RPS6KA2: variants seen among roughly 807,000 people sequenced by gnomAD.
RPS6KA2 encodes the protein ribosomal protein S6 kinase alpha-2.
In RPS6KA2, 42 loss-of-function variants were observed where a neutral mutation model predicts 91.8. That is an observed-to-expected ratio of 0.46 (90% CI 0.36 to 0.59). The LOEUF (loss-of-function observed/expected upper bound fraction) is 0.59, where lower values mean the gene tolerates loss of function less well. Ranked by LOEUF, RPS6KA2 falls within the 20% of genes least tolerant of loss-of-function variation. The pLI, the probability that RPS6KA2 is intolerant of heterozygous loss-of-function variation, is 0.00. For synonymous variants in RPS6KA2, 414 were observed against 393.6 expected (o/e 1.05, Z -0.61); for missense variants, 798 against 978.5 (o/e 0.82, Z 2.46).
chr6:166,484,574 T>C (rs1781343334), intron 10 of RPS6KA2, among the ~76,000 whole-genome samples: 1 of 152,192 alleles, frequency 6.6e-6, no homozygotes, highest in South Asian at 2.1e-4. Flanking sequence ...CTTTTTCTCC[T>C]GCAGTGAGGA....
In RPS6KA2 at chr6:166,451,148, G is replaced by T. The variant is rs764188032; in HGVS notation, c.1161C>A (p.Pro387=). 6.2e-7 allele frequency: 1 copy of T among 1,614,112 alleles called. No homozygotes were observed. The highest frequency in any genetic ancestry group is 8.5e-7 in the Non-Finnish European group (1 of 1,179,996). The change falls in exon 13 of 21, where the codon CCC becomes CCA. Residue 387 remains proline, a synonymous_variant. Coordinates refer to ENST00000265678, the MANE Select transcript of RPS6KA2 (RefSeq NM_021135.6). ...SFVASSLIQE[P]SQQDLHKVPV... is the part of the protein sequence containing the mutation. ...GGACTTTGTGCAGATCTTGCTGTGA[G>T]GGCTCCTGGATCAGGCTTGAGGCCA...
intron 2 of RPS6KA2, among the ~76,000 whole-genome samples, chr6:166,713,848 C>T (rs1026853914): frequency 4.6e-5 from 7 of 152,214 alleles, no homozygotes; most frequent in Admixed American, 6.5e-5. Context: ...TGTGAAGTTC[C>T]GTCGTGGAGG....
chr6:166,472,686 T>G (rs1324942502), intron 10 of RPS6KA2, among the ~76,000 whole-genome samples: 2 of 152,142 alleles, frequency 1.3e-5, no homozygotes, highest in African/African-American at 4.8e-5. Context: ...CCTTTTTATC[T>G]CCACTGAACC....
At chr6:166,642,232 G>A (rs762187894) in intron 2 of RPS6KA2, among the ~76,000 whole-genome samples, 3 of 152,206 alleles carry the variant, frequency 2.0e-5, no homozygotes, top group Non-Finnish European at 4.4e-5. Context: ...ATTGGAAGCT[G>A]AGAGAGTGGA....
intron 2 of RPS6KA2, among the ~76,000 whole-genome samples, chr6:166,649,444 A>G (rs965702070): frequency 6.6e-5 from 10 of 152,188 alleles, no homozygotes; most frequent in South Asian, 2.1e-4. Flanking sequence ...GTTAAATCCC[A>G]TGCTATGTAT....
chr6:166,455,956 C>T (rs1343894592), intron 12 of RPS6KA2, among the ~76,000 whole-genome samples: 1 of 152,222 alleles, frequency 6.6e-6, no homozygotes, highest in African/African-American at 2.4e-5. Flanking sequence ...CAGAGCCACA[C>T]GAGTGTGAAG....
At chr6:166,711,568 C>G (rs910999122) in intron 2 of RPS6KA2, among the ~76,000 whole-genome samples, 10 of 151,634 alleles carry the variant, frequency 6.6e-5, no homozygotes, top group Admixed American at 3.9e-4. Flanking sequence ...TAAAGAAGAA[C>G]CAAATGGAAG....
chr6:166,469,509 T>A (rs1017759815), intron 11 of RPS6KA2, among the ~76,000 whole-genome samples: 4 of 152,052 alleles, frequency 2.6e-5, no homozygotes, highest in African/African-American at 9.6e-5. Flanking sequence ...CCTGGAGCAA[T>A]CGGGAATATG....
chr6:166,591,293 G>A (rs1165689713), intron 1 of RPS6KA2, among the ~76,000 whole-genome samples: 1 of 152,204 alleles, frequency 6.6e-6, no homozygotes, highest in Non-Finnish European at 1.5e-5. Flanking sequence ...TGCCTTCTGG[G>A]ATGAGCAGAA....
Position 166,494,051 on chromosome 6 carries a change from A to G in RPS6KA2, c.748-3310T>C, listed in dbSNP as rs1781697063. 6.6e-6 allele frequency among the ~76,000 whole-genome samples: 1 copy of G among 152,224 alleles called. No homozygotes were observed. Among genetic ancestry groups the G allele is most frequent in the African/African-American group, 2.4e-5 (1 of 41,454 alleles). ...TTTCAAGTTTACTTGGCCGATCACC[A>G]TTCTTAAAAGGGCACCAAAAGCAAG... is the stretch of plus-strand genomic sequence containing the variant. On this transcript the variant is annotated intron_variant, in intron 8 of 20. Coordinates refer to ENST00000265678, the MANE Select transcript of RPS6KA2 (RefSeq NM_021135.6). The surrounding 1 kb of genome is among the most constrained non-coding windows in gnomAD (Gnocchi z 5.1).
At chr6:166,475,197 G>T (rs1247223227) in intron 10 of RPS6KA2, among the ~76,000 whole-genome samples, 1 of 151,862 alleles carries the variant, frequency 6.6e-6, no homozygotes, top group East Asian at 1.9e-4. Context: ...ACCCCATGCT[G>T]CTACAGCCAC....
At chr6:166,483,032 T>G (rs1466497280) in intron 10 of RPS6KA2, among the ~76,000 whole-genome samples, 2 of 152,186 alleles carry the variant, frequency 1.3e-5, no homozygotes, top group Non-Finnish European at 2.9e-5. Flanking sequence ...AAGCAGAGAT[T>G]CTGGAAAACC....
At chr6:166,468,493 AGAG>A (rs1164422461) in intron 11 of RPS6KA2, among the ~76,000 whole-genome samples, 1 of 152,176 alleles carries the variant, frequency 6.6e-6, no homozygotes, top group African/African-American at 2.4e-5. Flanking sequence ...ACACATTCCC[AGAG>A]GAGAGGTCTG....
chr6:166,489,412 C>A (rs1781518386), intron 9 of RPS6KA2, among the ~76,000 whole-genome samples: 1 of 152,166 alleles, frequency 6.6e-6, no homozygotes, highest in Non-Finnish European at 1.5e-5. Context: ...TGAAGAAAAC[C>A]TGCGAGAGGA....
intron 2 of RPS6KA2, among the ~76,000 whole-genome samples, chr6:166,642,661 G>A (rs986641925): frequency 3.9e-5 from 6 of 152,160 alleles, no homozygotes; most frequent in African/African-American, 1.4e-4. Flanking sequence ...ATGTGTAATT[G>A]CCAAACTAAT....
At chr6:166,568,114 C>T (rs1455561885) in intron 1 of RPS6KA2, among the ~76,000 whole-genome samples, 1 of 152,152 alleles carries the variant, frequency 6.6e-6, no homozygotes, top group Non-Finnish European at 1.5e-5. Context: ...ACACTGGATG[C>T]CCACCACAGG....
chr6:166,542,899 A>C (rs1254116620), intron 1 of RPS6KA2, among the ~76,000 whole-genome samples: 1 of 152,246 alleles, frequency 6.6e-6, no homozygotes, highest in Non-Finnish European at 1.5e-5. Flanking sequence ...TAGGAAACAA[A>C]ATAGGCAAGG....
rs563473486 is a variant in RPS6KA2 at position 166,665,466 on chromosome 6, C to T, written c.124-126682G>A. On this transcript the variant is annotated intron_variant, in intron 2 of 21. Transcript: ENST00000503859. The surrounding 1 kb of genome is among the most constrained non-coding windows in gnomAD (Gnocchi z 4.5). ...TGGACAAAGCCGAATCTCCAGGAGCCCAGTCCCACCCTCCCCTCTGAGAAG... is the reference window on the plus strand; with the variant it reads ...TGGACAAAGCCGAATCTCCAGGAGCTCAGTCCCACCCTCCCCTCTGAGAAG... 1.3e-5 allele frequency among the ~76,000 whole-genome samples: 2 copies of T among 152,264 alleles called. No individual in the cohort carries two copies. Among genetic ancestry groups the T allele is most frequent in the East Asian group, 3.9e-4 (2 of 5,178 alleles).
intron 2 of RPS6KA2, among the ~76,000 whole-genome samples, chr6:166,848,088 G>C (rs894155038): frequency 5.3e-5 from 8 of 152,088 alleles, no homozygotes; most frequent in Non-Finnish European, 8.8e-5. Flanking sequence ...ATCCATCAAA[G>C]TGGGCTAAGA....
Sources: allele counts gnomAD v4.1 joint callset (sites outside exome capture counted in the v4.1 genomes callset), GRCh38; gene constraint gnomAD v4.1.1; non-coding constraint Gnocchi (gnomAD v3.1); transcripts MANE v1.5; gene names NCBI Gene and HGNC (gene_info 2026-07-23, HGNC 2026-07-21).